ADGRV1: variants seen among roughly 807,000 people sequenced by gnomAD.
ADGRV1 encodes adhesion G protein-coupled receptor V1.
ADGRV1 carries 359 observed loss-of-function variants against 596.2 expected under a neutral mutation model. That is an observed-to-expected ratio of 0.60 (90% confidence interval 0.55 to 0.66). ADGRV1 has a LOEUF of 0.66. ADGRV1 is among the 30% of genes least tolerant of loss of function. The probability of loss-of-function intolerance (pLI) is 0.00; values close to 1 mark genes in which losing one functional copy is unlikely to be tolerated. For synonymous variants in ADGRV1, 2,681 were observed against 2,679.2 expected, an observed-to-expected ratio of 1.00 and a Z score of -0.02; for missense variants, 7,274 against 7,575.6, an observed-to-expected ratio of 0.96 and a Z score of 1.48.
intron 85 of ADGRV1, among the ~76,000 whole-genome samples, chr5:91,009,720 A>G (rs971753327): frequency 2.6e-5 from 4 of 152,104 alleles, no homozygotes; most frequent in African/African-American, 9.7e-5. Flanking sequence ...TTAATTAGTC[A>G]TGTCATGAAC....
intron 76 of ADGRV1, 138 bp from the exon 77 acceptor site, chr5:90,828,806 T>C (rs1031996966): frequency 6.4e-6 from 3 of 466,302 alleles, no homozygotes; most frequent in African/African-American, 4.0e-5. Context: ...TCCGTAATTA[T>C]ACAGAATATA....
Position 90,704,458 on chromosome 5 carries a change from C to G in ADGRV1, c.8356C>G (p.Gln2786Glu). The change falls in exon 36 of 90, where the codon CAA becomes GAA. Residue 2786 changes from glutamine to glutamate, a missense_variant. By Grantham distance (29) the Gln-to-Glu change is conservative. Coordinates refer to ENST00000405460, the MANE Select transcript of ADGRV1 (RefSeq NM_032119.4). ...DNIPEEKEVY[Q>E]VILYDVRTQG... The stretch of plus-strand genomic sequence containing the variant: ...CATTCCTGAGGAGAAAGAAGTATAC[C>G]AAGTCATTCTGTATGATGTCAGGAC... The G allele has an allele frequency of 1.9e-6, 3 of 1,575,004 alleles. No individual in the cohort carries two copies. The highest frequency in any genetic ancestry group is 2.6e-6 in the Non-Finnish European group (3 of 1,157,626).
intron 21 of ADGRV1, among the ~76,000 whole-genome samples, chr5:90,663,670 G>A (rs1230358959): frequency 1.3e-5 from 2 of 152,174 alleles, no homozygotes; most frequent in Admixed American, 1.3e-4. Flanking sequence ...TGGTGTTTTA[G>A]ACATGAAGTC....
rs1746935226 is a variant in ADGRV1, at chr5:90,694,596, G to A, written c.7840G>A (p.Gly2614Arg). The A allele has an allele frequency of 1.2e-6, 2 of 1,613,852 alleles. No homozygotes were observed. The highest frequency in any genetic ancestry group is 1.7e-6 in the Non-Finnish European group (2 of 1,179,818). Residue 2614 changes from glycine (G) to arginine (R), a missense_variant, in exon 33 of 90, where the codon GGG becomes AGG. By Grantham distance (125) the Gly-to-Arg change is moderately radical. This residue lies in a region of ADGRV1 where 3,643 missense variants were observed against 3,809.2 expected (regional missense o/e 0.96). Coordinates refer to ENST00000405460, the MANE Select transcript of ADGRV1 (RefSeq NM_032119.4). ...TLVELMIHRT[G>R]GSLGQVAVEW... is the part of the protein sequence containing the mutation. ...GGTGGAGCTGATGATACACAGGACA[G>A]GGGGCAGCTTAGGTCAAGTGGCAGT...
At chr5:90,871,627 A>C (rs886874783) in intron 83 of ADGRV1, among the ~76,000 whole-genome samples, 2 of 152,236 alleles carry the variant, frequency 1.3e-5, no homozygotes, top group African/African-American at 4.8e-5. Context: ...CTTTACCAAA[A>C]AATACCAGTT....
intron 85 of ADGRV1, among the ~76,000 whole-genome samples, chr5:91,010,626 G>T (rs11951675): frequency 0.22 from 33,500 of 151,818 alleles, 4,103 homozygotes; most frequent in Non-Finnish European, 0.28. Flanking sequence ...ATAATACAAA[G>T]AAATTTTGTC....
At chr5:90,569,387 ATTTTTTT>A (rs869133714) in intron 1 of ADGRV1, among the ~76,000 whole-genome samples, 15 of 16,356 alleles carry the variant, frequency 9.2e-4, no homozygotes, top group African/African-American at 1.5e-3. Flanking sequence ...ATATATATAT[ATTTTTTT>A]TTTTTTTTTT....
At chr5:90,828,852 A>G (rs1268142748) in intron 76 of ADGRV1, 92 bp from the exon 77 acceptor site, 5 of 694,844 alleles carry the variant, frequency 7.2e-6, no homozygotes, top group African/African-American at 3.6e-5. Flanking sequence ...CTAAAAATGT[A>G]TATGAATTAT....
intron 44 of ADGRV1, 88 bp from the exon 45 acceptor site, chr5:90,720,847 T>C (rs1750820607): frequency 1.8e-6 from 2 of 1,083,316 alleles, no homozygotes; most frequent in African/African-American, 3.2e-5. Flanking sequence ...TAAAAATGTA[T>C]TAAGTATATG....
chr5:90,633,358 CTTAT>C (rs1561424246), intron 9 of ADGRV1, among the ~76,000 whole-genome samples: 1 of 150,650 alleles, frequency 6.6e-6, no homozygotes, highest in African/African-American at 2.5e-5. Flanking sequence ...GGAAATATGA[CTTAT>C]ATATTTCTTT....
intron 76 of ADGRV1, among the ~76,000 whole-genome samples, chr5:90,826,155 G>A (rs1764058034): frequency 6.6e-6 from 1 of 152,184 alleles, no homozygotes; most frequent in South Asian, 2.1e-4. Context: ...GTTATTAGTA[G>A]AAGGGAATTT....
At chr5:90,660,543 T>C (rs62375093) in intron 21 of ADGRV1, among the ~76,000 whole-genome samples, 2 of 151,806 alleles carry the variant, frequency 1.3e-5, no homozygotes, top group East Asian at 1.9e-4. Context: ...TAAAAAAAAT[T>C]CCCTCAAAAT....
chr5:90,947,810 T>C (rs2150892425), intron 83 of ADGRV1, among the ~76,000 whole-genome samples: 1 of 152,306 alleles, frequency 6.6e-6, no homozygotes, highest in Middle Eastern at 3.4e-3. Context: ...CCTATCTCCC[T>C]ATATCATCAA....
chr5:90,970,166 G>A (rs1004169118), intron 84 of ADGRV1, among the ~76,000 whole-genome samples: 11 of 152,198 alleles, frequency 7.2e-5, no homozygotes, highest in East Asian at 3.9e-4. Context: ...AGGCAGCAGC[G>A]AGGCTGGGGG....
At chr5:91,060,080 GGATTTGAGAC>G (rs1362396503) in intron 85 of ADGRV1, among the ~76,000 whole-genome samples, 1 of 152,028 alleles carries the variant, frequency 6.6e-6, no homozygotes, top group Admixed American at 6.6e-5. Context: ...GCTGAGTATT[GGATTTGAGAC>G]ATAAGTCATC....
Position 90,690,786 on chromosome 5 carries a change from C to T in ADGRV1, c.6707-11C>T. 1 of 1,587,204 alleles carries T rather than the reference C, an allele frequency of 6.3e-7. No homozygotes were observed. The highest frequency in any genetic ancestry group is 1.1e-5 in the South Asian group (1 of 87,706). ...GTATTTGAAATGAACTCTGCTCTGT[C>T]TACCCTTCAGGTTTTCAGATTACTA... On this transcript the variant is annotated splice_polypyrimidine_tract_variant and intron_variant, in intron 30 of 89. Transcript: ENST00000405460.
chr5:90,960,031 C>G (rs550961215), intron 83 of ADGRV1, among the ~76,000 whole-genome samples: 2 of 150,356 alleles, frequency 1.3e-5, no homozygotes, highest in Non-Finnish European at 3.0e-5. Flanking sequence ...CCCAGCTACT[C>G]GGGAGGCTGA....
intron 25 of ADGRV1, among the ~76,000 whole-genome samples, chr5:90,677,853 T>C (rs1218270103): frequency 2.6e-5 from 4 of 152,196 alleles, no homozygotes; most frequent in Non-Finnish European, 5.9e-5. Context: ...CCTCTACTCC[T>C]GGACTCATAT....
rs377529304 is a variant in ADGRV1 at position 90,625,135 on chromosome 5, G to T, written c.564G>T (p.Glu188Asp). Residue 188 changes from glutamate (E) to aspartate (D), a missense_variant, in exon 6 of 90, where the codon GAG (glutamate) becomes GAT (aspartate). Coordinates refer to ENST00000405460, the MANE Select transcript of ADGRV1 (RefSeq NM_032119.4). Reference sequence around the variant, plus strand: ...CATTTTGTGTTTCTTTGCAGGTAGAGGGTGGCCCAAATCCCCCTGATGAAG... The same window carrying T: ...CATTTTGTGTTTCTTTGCAGGTAGATGGTGGCCCAAATCCCCCTGATGAAG... ...YGMVMVTFEV[E>D]GGPNPPDEDL... 6.9e-5 allele frequency: 111 copies of T among 1,604,198 alleles called. No individual in the cohort carries two copies. In the African/African-American group the frequency reaches 1.3e-3, roughly 19 times the overall value.
Sources: gnomAD v4.1 joint callset for allele counts (sites outside exome capture counted in the v4.1 genomes callset) on GRCh38, gnomAD v4.1.1 for gene constraint, gnomAD v4.1.1 regional missense constraint, MANE v1.5 for transcripts, NCBI Gene and HGNC (gene_info 2026-07-23, HGNC 2026-07-21) for gene names.